Variants in FRMD3 observed in about 807,000 individuals in gnomAD.
The protein encoded by FRMD3 is FERM domain-containing protein 3.
In FRMD3, 33 loss-of-function variants were observed where a neutral mutation model predicts 70.2. The ratio of observed to expected loss-of-function variants is 0.47; its 90% CI spans 0.36 to 0.63. The LOEUF is 0.63. Ranked by LOEUF, FRMD3 falls within the 20% of genes least tolerant of loss-of-function variation. The pLI, the probability that FRMD3 is intolerant of heterozygous loss-of-function variation, is 0.00. For missense variants in FRMD3, 632 were observed against 711.4 expected, an observed-to-expected ratio of 0.89 and a Z score of 1.27; for synonymous variants, 279 against 255.9, an observed-to-expected ratio of 1.09 and a Z score of -0.86.
At chr9:83,268,745 G>T (rs1163230005) in intron 13 of FRMD3, among the ~76,000 whole-genome samples, 1 of 152,208 alleles carries the variant, frequency 6.6e-6, no homozygotes, top group Admixed American at 6.5e-5. Flanking sequence ...GCTGAGGTGG[G>T]GCAGGCCATT....
chr9:83,335,969 T>C (rs1002342766), intron 5 of FRMD3, among the ~76,000 whole-genome samples: 5 of 152,202 alleles, frequency 3.3e-5, no homozygotes, highest in African/African-American at 1.2e-4. Flanking sequence ...TCTAAGGAAC[T>C]GTAGGACATT....
chr9:83,577,314 A>G, the FRMD3 span, among the ~76,000 whole-genome samples: 1 of 152,116 alleles, frequency 6.6e-6, no homozygotes, highest in South Asian at 2.1e-4. Context: ...CAATTTCATA[A>G]AAGCAATAGT....
chr9:83,313,678 C>T lies in FRMD3; in HGVS notation c.666G>A (p.Val222=). ...LKAHTLETYG[V]DPHPCKDSTG... is the part of the protein sequence containing the mutation. ...CAGTTACCTTGCATGGGTGAGGATC[C>T]ACCCCGTAGGTTTCCAAAGTGTGAG... Residue 222 remains valine, a synonymous_variant, in exon 7 of 14, where the codon GTG becomes GTA. Transcript: ENST00000304195. 5 of 1,613,882 alleles carry T rather than the reference C, an allele frequency of 3.1e-6. No individual in the cohort carries two copies. The highest frequency in any genetic ancestry group is 4.2e-6 in the Non-Finnish European group (5 of 1,179,802).
At chr9:83,576,002 C>T in the FRMD3 span, among the ~76,000 whole-genome samples, 3 of 151,586 alleles carry the variant, frequency 2.0e-5, no homozygotes, top group African/African-American at 4.9e-5. Flanking sequence ...GAGGATCACT[C>T]GAAGCCAGGA....
At chr9:83,506,880 T>G (rs1185348668) in intron 1 of FRMD3, among the ~76,000 whole-genome samples, 1 of 152,180 alleles carries the variant, frequency 6.6e-6, no homozygotes, top group Non-Finnish European at 1.5e-5. Context: ...TAAGCTTTGT[T>G]CTATTTTTGT....
chr9:83,384,420 C>T (rs922585991), intron 2 of FRMD3, among the ~76,000 whole-genome samples: 5 of 152,176 alleles, frequency 3.3e-5, no homozygotes, highest in Non-Finnish European at 7.3e-5. Flanking sequence ...CAGAGTGAAA[C>T]CTCCAATCAC....
At chr9:83,522,788 C>T (rs371459336) in intron 1 of FRMD3, among the ~76,000 whole-genome samples, 2 of 152,010 alleles carry the variant, frequency 1.3e-5, no homozygotes, top group Non-Finnish European at 2.9e-5. Flanking sequence ...TGATCTCGAT[C>T]TCCTGACCTC....
intron 1 of FRMD3, among the ~76,000 whole-genome samples, chr9:83,410,172 AT>A (rs545941458): frequency 6.7e-4 from 102 of 152,258 alleles, no homozygotes; most frequent in Non-Finnish European, 1.4e-3. Flanking sequence ...TGATTTCCAC[AT>A]TTATTTTAGA....
intron 1 of FRMD3, among the ~76,000 whole-genome samples, chr9:83,451,119 A>G (rs11140096): frequency 0.43 from 65,203 of 151,906 alleles, 14,181 homozygotes; most frequent in African/African-American, 0.52. Context: ...GGAATTTTTC[A>G]TAAAGAGTTT....
chr9:83,546,382 T>G, the FRMD3 span, among the ~76,000 whole-genome samples: 1 of 151,762 alleles, frequency 6.6e-6, no homozygotes, highest in African/African-American at 2.4e-5. Flanking sequence ...ACAAAAAAAC[T>G]GTCAGCCAAC....
chr9:83,403,950 A>G (rs1432234870), intron 1 of FRMD3, among the ~76,000 whole-genome samples: 1 of 152,072 alleles, frequency 6.6e-6, no homozygotes, highest in African/African-American at 2.4e-5. Context: ...TCTCATTTCA[A>G]TAGTGTCATA....
intron 1 of FRMD3, among the ~76,000 whole-genome samples, chr9:83,450,266 C>T (rs1022727287): frequency 6.6e-6 from 1 of 151,706 alleles, no homozygotes; most frequent in South Asian, 2.1e-4. Flanking sequence ...GCTTCTCAGA[C>T]ACAGCCGCAT....
chr9:83,358,801 C>T (rs911275935), intron 3 of FRMD3, among the ~76,000 whole-genome samples: 4 of 151,936 alleles, frequency 2.6e-5, no homozygotes, highest in African/African-American at 9.7e-5. Context: ...ATGCCATGCA[C>T]AGTGATGCCA....
In FRMD3 at chr9:83,246,889, C is replaced by CGCCTGTCACCATTT. The variant is rs1832132977; in HGVS notation, c.*1015_*1028dup. On this transcript the variant is annotated 3_prime_UTR_variant, in exon 14 of 14. Transcript: ENST00000304195. ...CATCACTTTCATAAAATAGACCATTCGCCTGTCACCATTTGCCTGCCAGCC... is the reference window on the plus strand; with the variant it reads ...CATCACTTTCATAAAATAGACCATTCGCCTGTCACCATTTGCCTGTCACCATTTGCCTGCCAGCC... 1.0e-6 allele frequency: 1 copy of CGCCTGTCACCATTT among 985,400 alleles called. No individual in the cohort carries two copies. The highest frequency in any genetic ancestry group is 1.7e-5 in the African/African-American group (1 of 57,336). The allele number at this position is 985,400 out of a possible 1,614,324, so 61.0% of individuals were successfully genotyped here.
intron 13 of FRMD3, among the ~76,000 whole-genome samples, chr9:83,250,951 A>C (rs1832384380): frequency 6.6e-6 from 1 of 152,138 alleles, no homozygotes; most frequent in Non-Finnish European, 1.5e-5. Flanking sequence ...TTGGAAACAG[A>C]GGCAGTGTGA....
At chr9:83,512,417 A>G (rs1388517890) in intron 1 of FRMD3, among the ~76,000 whole-genome samples, 3 of 152,238 alleles carry the variant, frequency 2.0e-5, no homozygotes, top group Admixed American at 2.0e-4. Context: ...GACAGATGGT[A>G]ATGTGATGGA....
intron 3 of FRMD3, among the ~76,000 whole-genome samples, chr9:83,354,665 GA>G (rs1413659296): frequency 3.9e-5 from 6 of 152,064 alleles, no homozygotes; most frequent in African/African-American, 1.2e-4. Context: ...AAGTTAAAAA[GA>G]AATTCTGTCT....
intron 13 of FRMD3, among the ~76,000 whole-genome samples, chr9:83,273,076 C>T (rs1200761592): frequency 6.6e-6 from 1 of 151,868 alleles, no homozygotes; most frequent in Non-Finnish European, 1.5e-5. Context: ...TGCCCGGCCA[C>T]CCCTTCTGGG....
At chr9:83,561,531 C>T in the FRMD3 span, among the ~76,000 whole-genome samples, 1 of 152,156 alleles carries the variant, frequency 6.6e-6, no homozygotes. Context: ...CTAAATAGCC[C>T]TGAAATCTGC....
Sources: gnomAD v4.1 joint callset for allele counts (sites outside exome capture counted in the v4.1 genomes callset) on GRCh38, gnomAD v4.1.1 for gene constraint, MANE v1.5 for transcripts, NCBI Gene and HGNC (gene_info 2026-07-23, HGNC 2026-07-21) for gene names.